Variants in DRGX observed in about 807,000 individuals in gnomAD.
The protein encoded by DRGX is dorsal root ganglia homeobox.
Under a neutral mutation model 28.6 loss-of-function variants are expected in DRGX, and 21 were observed. The ratio of observed to expected loss-of-function variants is 0.73; its 90% CI spans 0.52 to 1.06. The LOEUF (loss-of-function observed/expected upper bound fraction) is 1.06, where lower values mean the gene tolerates loss of function less well. DRGX is among the 50% of genes least tolerant of loss of function. The pLI is 0.00. For missense variants in DRGX, 354 were observed against 343.9 expected (o/e 1.03, Z -0.23); for synonymous variants, 136 against 139.1 (o/e 0.98, Z 0.16).
At position 49,386,520 on chromosome 10, in the gene DRGX, CCGT is replaced by C; in HGVS notation, c.481_483del (p.Thr161del). On this transcript the variant is annotated inframe_deletion, in exon 6 of 7. Transcript: ENST00000374139. Reference sequence around the variant, plus strand: ...TGGGACAAGGCCTGGGCGTAGGTGGCCGTGTTCAGGAGAGTCCCCGGCAAGCAG... The same window carrying C: ...TGGGACAAGGCCTGGGCGTAGGTGGCGTTCAGGAGAGTCCCCGGCAAGCAG... The C allele has an allele frequency of 6.3e-7, 1 of 1,588,164 alleles. No homozygotes were observed. The highest frequency in any genetic ancestry group is 1.7e-4 in the Middle Eastern group (1 of 5,952).
intron 6 of DRGX, among the ~76,000 whole-genome samples, chr10:49,381,035 A>G (rs1484750795): frequency 6.6e-6 from 1 of 152,256 alleles, no homozygotes; most frequent in African/African-American, 2.4e-5. Flanking sequence ...AGAGCGTTTC[A>G]GTGATTTACT....
chr10:49,375,860 G>A (rs1351603566), intron 6 of DRGX, among the ~76,000 whole-genome samples: 1 of 152,148 alleles, frequency 6.6e-6, no homozygotes, highest in Non-Finnish European at 1.5e-5. Flanking sequence ...TCCAGCAGCA[G>A]CCAGAGCTCG....
rs1849590860 is a variant in DRGX at position 49,365,741 on chromosome 10, TG to T, written c.*374del. On this transcript the variant is annotated 3_prime_UTR_variant, in exon 7 of 7. Transcript: ENST00000374139. ...AAACTTCAGCCCATGCCACAGTTCC[TG>T]GGGTTGACAAGACCTTCAAAGGCAG... 5.6e-6 allele frequency: 1 copy of T among 179,318 alleles called. No individual in the cohort carries two copies. The highest frequency in any genetic ancestry group is 1.2e-5 in the Non-Finnish European group (1 of 86,942). The allele number at this position is 179,318 out of a possible 1,614,324, so 11.1% of individuals were successfully genotyped here.
At chr10:49,369,382 C>T (rs1034753498) in intron 6 of DRGX, among the ~76,000 whole-genome samples, 3 of 152,122 alleles carry the variant, frequency 2.0e-5, no homozygotes, top group Non-Finnish European at 2.9e-5. Context: ...GGTTAAAAAC[C>T]GTAAGGACTG....
intron 4 of DRGX, among the ~76,000 whole-genome samples, chr10:49,388,036 T>C (rs973172071): frequency 1.3e-5 from 2 of 152,180 alleles, no homozygotes; most frequent in Admixed American, 6.5e-5. Flanking sequence ...CATCACTCAG[T>C]AAACACGTAC....
intron 4 of DRGX, among the ~76,000 whole-genome samples, chr10:49,387,149 T>C (rs941589973): frequency 4.6e-5 from 7 of 152,224 alleles, no homozygotes; most frequent in African/African-American, 1.7e-4. Context: ...AGTTCATTTA[T>C]TTGTTGTGAA....
intron 4 of DRGX, among the ~76,000 whole-genome samples, chr10:49,388,149 C>T (rs1043897128): frequency 6.6e-6 from 1 of 152,182 alleles, no homozygotes; most frequent in African/African-American, 2.4e-5. Context: ...GCCTTAGAAA[C>T]CAAAATTGTA....
Position 49,366,338 on chromosome 10 carries a change from G to A in DRGX, c.570C>T (p.Leu190=), listed in dbSNP as rs1849600478. 2 of 1,613,854 alleles carry A rather than the reference G, an allele frequency of 1.2e-6. No individual in the cohort carries two copies. Among genetic ancestry groups the A allele is most frequent in the Non-Finnish European group, 1.7e-6 (2 of 1,179,800 alleles). The part of the protein sequence containing the change: ...CSCCVPDPMG[L]SFLPTYGCQS... ...GGCAGCCATAGGTGGGAAGGAAGGAGAGTCCCATGGGGTCTGGGACGCAGC... is the reference window on the plus strand; with the variant it reads ...GGCAGCCATAGGTGGGAAGGAAGGAAAGTCCCATGGGGTCTGGGACGCAGC... The change falls in exon 7 of 7, where the codon CTC becomes CTT. Residue 190 remains leucine (L), a synonymous_variant. Transcript: ENST00000374139.
chr10:49,366,379 C>A lies in DRGX; in HGVS notation c.529G>T (p.Gly177Cys). Residue 177 changes from glycine (G) to cysteine (C), a missense_variant and splice_region_variant, in exon 7 of 7, where the codon GGC (glycine) becomes TGC (cysteine). Physicochemically the swap from Gly to Cys is radical, Grantham distance 159. Transcript: ENST00000374139. ...ALSHVASLKG[G>C]PLCSCCVPDP... ...GGGACGCAGCAAGAGCACAGTGGGC[C>A]CCCTGGAAAAGGAAAAACAACAGGC... The A allele has an allele frequency of 6.3e-7, 1 of 1,596,394 alleles. No homozygotes were observed. The highest frequency in any genetic ancestry group is 8.6e-7 in the Non-Finnish European group (1 of 1,167,660).
intron 6 of DRGX, among the ~76,000 whole-genome samples, chr10:49,367,872 G>GT (rs766598302): frequency 6.6e-6 from 1 of 152,172 alleles, no homozygotes; most frequent in Non-Finnish European, 1.5e-5. Context: ...GGCAGTAATC[G>GT]TGAGACAAAT....
chr10:49,378,349 T>C (rs190556236), intron 6 of DRGX, among the ~76,000 whole-genome samples: 1 of 152,186 alleles, frequency 6.6e-6, no homozygotes, highest in African/African-American at 2.4e-5. Context: ...TATTGCACGA[T>C]TCCATTCACA....
Position 49,366,052 on chromosome 10 carries a change from T to C in DRGX, c.*64A>G, listed in dbSNP as rs150871858. On this transcript the variant is annotated 3_prime_UTR_variant, in exon 7 of 7. Coordinates refer to ENST00000374139, the MANE Select transcript of DRGX (RefSeq NM_001276451.2). ...TCCTTGCTATTTGGAGAGTTTTCTG[T>C]AGGGGCTGAGGCTGGGAGAAGGAGG... 83 of 1,470,908 alleles carry C rather than the reference T, an allele frequency of 5.6e-5. 1 individual carries two copies. The African/African-American group carries it at 1.1e-3, about 19-fold the overall frequency. 91.1% of individuals were successfully genotyped at this position (1,470,908 alleles called of 1,614,324 possible).
Position 49,364,581 on chromosome 10 carries a change from A to G in DRGX, c.*1535T>C, listed in dbSNP as rs1267908920. ...CCTTCAACCAAACATTCGTAATTAC[A>G]GGGAAACGGAAGCAACTTTGCCGCT... On this transcript the variant is annotated 3_prime_UTR_variant, in exon 7 of 7. Transcript: ENST00000374139. 1.3e-5 allele frequency: 2 copies of G among 152,246 alleles called. No individual in the cohort carries two copies. The highest frequency in any genetic ancestry group is 3.8e-4 in the East Asian group (2 of 5,204). The allele number at this position is 152,246 out of a possible 1,614,324, so 9.4% of individuals were successfully genotyped here. A position where few individuals can be genotyped will look rare whatever the true frequency, so the allele number is the denominator to read the frequency against.
chr10:49,376,519 A>C (rs2132474720), intron 6 of DRGX, among the ~76,000 whole-genome samples: 1 of 152,330 alleles, frequency 6.6e-6, no homozygotes, highest in South Asian at 2.1e-4. Context: ...CAGGAAGCAG[A>C]AACCTCTGCC....
intron 6 of DRGX, among the ~76,000 whole-genome samples, chr10:49,385,972 A>T (rs1849829009): frequency 6.6e-6 from 1 of 152,040 alleles, no homozygotes; most frequent in South Asian, 2.1e-4. Flanking sequence ...AATGCCCCTA[A>T]CGATTTCTAT....
intron 6 of DRGX, among the ~76,000 whole-genome samples, chr10:49,383,902 A>C (rs1564707845): frequency 6.6e-6 from 1 of 152,258 alleles, no homozygotes; most frequent in Non-Finnish European, 1.5e-5. Flanking sequence ...GTGTTATAGC[A>C]GCCTGAACCA....
At chr10:49,370,950 G>A (rs557035124) in intron 6 of DRGX, among the ~76,000 whole-genome samples, 16 of 152,284 alleles carry the variant, frequency 1.1e-4, no homozygotes, top group Admixed American at 8.5e-4. Context: ...TCTCTCTTGT[G>A]TGATGGTCAC....
chr10:49,390,052 G>T, intron 4 of DRGX, 81 bp downstream of exon 4: 8 of 1,329,608 alleles, frequency 6.0e-6, no homozygotes, highest in Non-Finnish European at 8.2e-6. Flanking sequence ...TTGGCCAAAT[G>T]TGCACTCTGC....
At chr10:49,383,523 C>G (rs1218941740) in intron 6 of DRGX, among the ~76,000 whole-genome samples, 1 of 152,144 alleles carries the variant, frequency 6.6e-6, no homozygotes, top group African/African-American at 2.4e-5. Context: ...GCAGGTCCAA[C>G]CAAGGACCTG....
Sources: allele counts gnomAD v4.1 joint callset (sites outside exome capture counted in the v4.1 genomes callset), GRCh38; gene constraint gnomAD v4.1.1; transcripts MANE v1.5; gene names NCBI Gene and HGNC (gene_info 2026-07-23, HGNC 2026-07-21).